Variants in TAFA5 observed in about 807,000 individuals in gnomAD.
TAFA5 encodes TAFA chemokine like family member 5.
TAFA5 carries 6 observed loss-of-function variants against 15.3 expected under a neutral mutation model. The observed-to-expected ratio is 0.39, with a 90% CI of 0.21 to 0.77. TAFA5 has a LOEUF of 0.77. TAFA5 is among the 30% of genes least tolerant of loss of function. TAFA5 has a pLI of 0.41. For missense variants in TAFA5, 161 were observed against 193.1 expected (o/e 0.83, Z 0.98); for synonymous variants, 103 against 80.7 (o/e 1.28, Z -1.48).
chr22:48,638,225 C>T (rs1436100689), intron 1 of TAFA5, among the ~76,000 whole-genome samples: 2 of 151,890 alleles, frequency 1.3e-5, no homozygotes, highest in Non-Finnish European at 2.9e-5. Flanking sequence ...ACAGGGTACA[C>T]GTGTCTTAGA....
At chr22:48,501,517 G>T (rs998405627) in intron 1 of TAFA5, among the ~76,000 whole-genome samples, 1 of 152,214 alleles carries the variant, frequency 6.6e-6, no homozygotes, top group African/African-American at 2.4e-5. Context: ...TCCAAGGGAA[G>T]GGGCAGTCGG....
intron 1 of TAFA5, among the ~76,000 whole-genome samples, chr22:48,624,567 A>G (rs1341088924): frequency 6.6e-6 from 1 of 152,168 alleles, no homozygotes; most frequent in East Asian, 1.9e-4. Context: ...TTAGGCTGCG[A>G]TCCAGGGCTG....
intron 1 of TAFA5, among the ~76,000 whole-genome samples, chr22:48,559,575 GCTTCTCCCTGT>G (rs1923155242): frequency 1.3e-5 from 2 of 152,134 alleles, no homozygotes; most frequent in African/African-American, 4.8e-5. Context: ...CGTCCCCAAG[GCTTCTCCCTGT>G]CACTGCAGCC....
chr22:48,585,644 C>T (rs1924324183), intron 1 of TAFA5, among the ~76,000 whole-genome samples: 2 of 151,106 alleles, frequency 1.3e-5, no homozygotes, highest in Admixed American at 6.6e-5. Context: ...ATCACACACA[C>T]ACTATGCATT....
chr22:48,667,510 G>A (rs995353344), intron 2 of TAFA5, among the ~76,000 whole-genome samples: 1 of 152,150 alleles, frequency 6.6e-6, no homozygotes, highest in Non-Finnish European at 1.5e-5. Context: ...CGTCTTCCAC[G>A]TGAGTGCCCC....
intron 3 of TAFA5, among the ~76,000 whole-genome samples, chr22:48,730,900 AAG>A (rs1929851750): frequency 6.6e-6 from 1 of 152,160 alleles, no homozygotes; most frequent in Non-Finnish European, 1.5e-5. Flanking sequence ...AAGTGAAAGG[AAG>A]AGGCGTCCGT....
intron 2 of TAFA5, among the ~76,000 whole-genome samples, chr22:48,694,608 G>C (rs1271402423): frequency 6.6e-6 from 1 of 152,070 alleles, no homozygotes; most frequent in Non-Finnish European, 1.5e-5. Context: ...CCATGTGCTG[G>C]TCACAAGTCA....
intron 3 of TAFA5, among the ~76,000 whole-genome samples, chr22:48,719,047 C>T (rs931016719): frequency 2.6e-5 from 4 of 152,222 alleles, no homozygotes; most frequent in Non-Finnish European, 4.4e-5. Flanking sequence ...CTGTTCTCAA[C>T]GTGGAAGAAA....
chr22:48,529,628 A>C (rs571344718), intron 1 of TAFA5, among the ~76,000 whole-genome samples: 1 of 77,254 alleles, frequency 1.3e-5, no homozygotes, highest in Non-Finnish European at 2.5e-5. Context: ...GGGGGTGTCC[A>C]GGCAGGAGAT....
At chr22:48,705,420 G>A (rs1410035423) in intron 2 of TAFA5, among the ~76,000 whole-genome samples, 63 of 152,274 alleles carry the variant, frequency 4.1e-4, no homozygotes, top group Non-Finnish European at 2.4e-4. Context: ...TTCTGCCTGG[G>A]ATGCTGTCCC....
chr22:48,728,762 G>A (rs1361146457), intron 3 of TAFA5, among the ~76,000 whole-genome samples: 1 of 152,120 alleles, frequency 6.6e-6, no homozygotes, highest in East Asian at 1.9e-4. Flanking sequence ...GAAAACAGCT[G>A]GTAAAGCTGA....
At chr22:48,580,639 G>A (rs1601592405) in intron 1 of TAFA5, among the ~76,000 whole-genome samples, 1 of 152,320 alleles carries the variant, frequency 6.6e-6, no homozygotes, top group East Asian at 1.9e-4. Flanking sequence ...TAACGGTGGA[G>A]GAGGAACTCA....
intron 2 of TAFA5, among the ~76,000 whole-genome samples, chr22:48,689,265 C>CT (rs1224754660): frequency 2.0e-5 from 3 of 152,156 alleles, no homozygotes; most frequent in Admixed American, 1.3e-4. Flanking sequence ...AGCAGATGGA[C>CT]GTAGACACGT....
intron 1 of TAFA5, among the ~76,000 whole-genome samples, chr22:48,623,764 C>T (rs142687039): frequency 3.5e-4 from 54 of 152,352 alleles, no homozygotes; most frequent in African/African-American, 1.1e-3. Context: ...TATTGCCCTT[C>T]GTATTTCCTA....
At chr22:48,536,488 G>A (rs1922170757) in intron 1 of TAFA5, among the ~76,000 whole-genome samples, 1 of 152,238 alleles carries the variant, frequency 6.6e-6, no homozygotes, top group African/African-American at 2.4e-5. Context: ...AGGAACATAT[G>A]GCTCAGGCGT....
At chr22:48,531,915 C>G (rs1268519326) in intron 1 of TAFA5, among the ~76,000 whole-genome samples, 1 of 152,216 alleles carries the variant, frequency 6.6e-6, no homozygotes, top group East Asian at 1.9e-4. Context: ...CCAGGAACAG[C>G]CAGGCACACC....
At chr22:48,520,065 G>A (rs57419073) in intron 1 of TAFA5, among the ~76,000 whole-genome samples, 12,299 of 152,274 alleles carry the variant, frequency 0.081, 721 homozygotes, top group East Asian at 0.25. Flanking sequence ...AGAGGAAGAC[G>A]CCCTGTGGAA....
At position 48,550,128 on chromosome 22, in the gene TAFA5, G is replaced by T. The variant is rs183741488; in HGVS notation, c.112+60424G>T. Among the ~76,000 whole-genome samples, 52 of 152,338 alleles carry T rather than the reference G, an allele frequency of 3.4e-4. No homozygotes were observed. The Middle Eastern group carries it at 0.01, about 30-fold the overall frequency. ...AAGCTGGGAACTTTGGGGTATGCTGGGCATGGGTGTAGCAGCCTGTGTGTG... is the reference window on the plus strand; with the variant it reads ...AAGCTGGGAACTTTGGGGTATGCTGTGCATGGGTGTAGCAGCCTGTGTGTG... On this transcript the variant is annotated intron_variant, in intron 1 of 3. Coordinates refer to ENST00000402357, the MANE Select transcript of TAFA5 (RefSeq NM_001082967.3). This position sits in a 1 kb window ranked among gnomAD's most constrained non-coding sequence, Gnocchi z 4.1.
At chr22:48,662,647 C>T (rs1175195629) in intron 2 of TAFA5, among the ~76,000 whole-genome samples, 5 of 152,214 alleles carry the variant, frequency 3.3e-5, no homozygotes, top group Non-Finnish European at 5.9e-5. Context: ...CCGGCTGGTG[C>T]GAGCTCACCG....
Sources: allele counts gnomAD v4.1 joint callset (sites outside exome capture counted in the v4.1 genomes callset), GRCh38; gene constraint gnomAD v4.1.1; non-coding constraint Gnocchi (gnomAD v3.1); transcripts MANE v1.5; gene names NCBI Gene and HGNC (gene_info 2026-07-23, HGNC 2026-07-21).